The following UNC5D variants were observed in gnomAD, a reference collection of about 807,000 sequenced individuals.
UNC5D encodes the protein unc-5 netrin receptor D.
Under a neutral mutation model 105.4 loss-of-function variants are expected in UNC5D, and 39 were observed. The observed-to-expected ratio is 0.37, with a 90% CI of 0.29 to 0.48. The LOEUF is 0.48. Among genes scored for constraint, UNC5D ranks in the 20% least tolerant of loss-of-function variants. UNC5D has a pLI of 0.98. For missense variants in UNC5D, 991 were observed against 1,202.4 expected, an observed-to-expected ratio of 0.82 and a Z score of 2.60; for synonymous variants, 452 against 450.4, an observed-to-expected ratio of 1.00 and a Z score of -0.04.
Position 35,430,145 on chromosome 8 carries a change from G to A in UNC5D, c.104-119147G>A, listed in dbSNP as rs561214340. ...GAACATGGCTTGACTAGAGGATTGG[G>A]ACTTTCAGCCTGCTCAACCTCCAAG... On this transcript the variant is annotated intron_variant, in intron 1 of 16. Transcript: ENST00000404895. 2.6e-5 allele frequency among the ~76,000 whole-genome samples: 4 copies of A among 152,214 alleles called. No individual in the cohort carries two copies. In the South Asian group the frequency reaches 8.3e-4, roughly 32 times the overall value.
In UNC5D at chr8:35,710,990, G is replaced by A. The variant is rs545066729; in HGVS notation, c.1117+5029G>A. 1.8e-3 allele frequency among the ~76,000 whole-genome samples: 225 copies of A among 123,430 alleles called. 6 individuals are homozygous for A. Among genetic ancestry groups the A allele is most frequent in the African/African-American group, 9.4e-3 (214 of 22,688 alleles). 81.0% of individuals were successfully genotyped at this position (123,430 alleles called of 152,430 possible). ...GTCTCGCTCTGTCGCCCAGGCTGGA[G>A]TGCAGTGGCCTGATCTCGGCTCACT... On this transcript the variant is annotated intron_variant, in intron 8 of 16. Coordinates refer to ENST00000404895, the MANE Select transcript of UNC5D (RefSeq NM_080872.4).
At chr8:35,577,400 G>A (rs1326883534) in intron 3 of UNC5D, among the ~76,000 whole-genome samples, 2 of 152,146 alleles carry the variant, frequency 1.3e-5, no homozygotes, top group African/African-American at 2.4e-5. Flanking sequence ...GAGAGTGAAG[G>A]TCCATTGTTC....
intron 10 of UNC5D, among the ~76,000 whole-genome samples, chr8:35,729,930 A>T (rs1176884948): frequency 6.6e-6 from 1 of 152,204 alleles, no homozygotes; most frequent in African/African-American, 2.4e-5. Context: ...TTTTGCAATA[A>T]GGTTTACGTT....
chr8:35,576,468 T>G (rs1327480630), intron 3 of UNC5D, among the ~76,000 whole-genome samples: 1 of 152,180 alleles, frequency 6.6e-6, no homozygotes, highest in East Asian at 1.9e-4. Context: ...AAATGCCCAT[T>G]GATGAGACAG....
At chr8:35,739,457 A>G (rs906929414) in intron 11 of UNC5D, among the ~76,000 whole-genome samples, 12 of 152,174 alleles carry the variant, frequency 7.9e-5, no homozygotes, top group Non-Finnish European at 1.5e-4. Flanking sequence ...ACAAGTAAAC[A>G]CAAGTAAATA....
At position 35,717,769 on chromosome 8, in the gene UNC5D, G is replaced by A. The variant is rs74876369; in HGVS notation, c.1118-4441G>A. On this transcript the variant is annotated intron_variant, in intron 8 of 16. Transcript: ENST00000404895. ...TTTTGCAGTTCTTGTTAAAGATGGT[G>A]AAGAGGTGGTTACTAGCTTCATCAT... is the stretch of plus-strand genomic sequence containing the variant. Among the ~76,000 whole-genome samples, 214 of 152,314 alleles carry A rather than the reference G, an allele frequency of 1.4e-3. 2 individuals are homozygous for A. In the East Asian group the frequency reaches 0.028, roughly 20 times the overall value.
intron 9 of UNC5D, 40 bp downstream of exon 9, chr8:35,722,435 C>G: frequency 6.3e-7 from 1 of 1,594,342 alleles, no homozygotes; most frequent in Non-Finnish European, 8.5e-7. Context: ...TCCTCAGTGC[C>G]ATAGACTACG....
intron 1 of UNC5D, among the ~76,000 whole-genome samples, chr8:35,460,109 A>G (rs1159110215): frequency 6.6e-6 from 1 of 152,212 alleles, no homozygotes; most frequent in Admixed American, 6.5e-5. Flanking sequence ...ACTTTTACAT[A>G]CGCAAACTCC....
chr8:35,254,345 G>A (rs1445291773), intron 1 of UNC5D: 1 of 152,126 alleles, frequency 6.6e-6, no homozygotes, highest in Non-Finnish European at 1.5e-5. Context: ...TAGATGCAAT[G>A]CCCAGTTTCA....
chr8:35,654,780 T>G (rs907002787), intron 4 of UNC5D, among the ~76,000 whole-genome samples: 2 of 152,172 alleles, frequency 1.3e-5, no homozygotes, highest in Admixed American at 6.6e-5. Flanking sequence ...TGACATACTT[T>G]CCATGACTTG....
chr8:35,530,807 C>G (rs1413864886), intron 1 of UNC5D, among the ~76,000 whole-genome samples: 1 of 145,556 alleles, frequency 6.9e-6, no homozygotes, highest in African/African-American at 2.7e-5. Flanking sequence ...TTATCCATTT[C>G]TTCTAGATTT....
At chr8:35,469,979 G>C (rs1187168682) in intron 1 of UNC5D, among the ~76,000 whole-genome samples, 1 of 152,154 alleles carries the variant, frequency 6.6e-6, no homozygotes, top group Admixed American at 6.6e-5. Context: ...CTCACCTTTT[G>C]AGTACAATTG....
chr8:35,397,728 C>T (rs1164396682), intron 1 of UNC5D, among the ~76,000 whole-genome samples: 2 of 152,194 alleles, frequency 1.3e-5, no homozygotes, highest in Non-Finnish European at 2.9e-5. Flanking sequence ...AAGCCACTCT[C>T]GTTTGTAGTC....
chr8:35,304,080 A>G (rs1447312337), intron 1 of UNC5D, among the ~76,000 whole-genome samples: 1 of 152,080 alleles, frequency 6.6e-6, no homozygotes, highest in Non-Finnish European at 1.5e-5. Context: ...TCTTGACAGA[A>G]TCCCTTGATT....
intron 1 of UNC5D, among the ~76,000 whole-genome samples, chr8:35,523,829 C>T (rs1230904347): frequency 2.8e-5 from 2 of 70,308 alleles, no homozygotes; most frequent in African/African-American, 1.2e-4. Flanking sequence ...GCCTGATATT[C>T]GGATGGTGGC....
In UNC5D at chr8:35,278,420, C is replaced by G. The variant is rs559507951; in HGVS notation, c.103+42533C>G. Among the ~76,000 whole-genome samples, 3 of 152,152 alleles carry G rather than the reference C, an allele frequency of 2.0e-5. No individual in the cohort carries two copies. The East Asian group carries it at 5.8e-4, about 29-fold the overall frequency. ...TATATCTAGCAAAAAAATCCTTGTT[C>G]TTTTTGTTGTGAAAAATATAAGCAG... On this transcript the variant is annotated intron_variant, in intron 1 of 16. Transcript: ENST00000404895.
intron 4 of UNC5D, among the ~76,000 whole-genome samples, chr8:35,638,722 C>T (rs1037951945): frequency 6.6e-6 from 1 of 151,982 alleles, no homozygotes; most frequent in Non-Finnish European, 1.5e-5. Context: ...ATTGTTCAAG[C>T]CCAGATGTTG....
At chr8:35,746,224 C>T (rs1829999670) in intron 11 of UNC5D, among the ~76,000 whole-genome samples, 1 of 152,148 alleles carries the variant, frequency 6.6e-6, no homozygotes, top group Non-Finnish European at 1.5e-5. Flanking sequence ...TTCCTGCCAT[C>T]ACCTTGATTG....
intron 1 of UNC5D, among the ~76,000 whole-genome samples, chr8:35,420,430 G>T (rs1333819069): frequency 6.6e-6 from 1 of 152,114 alleles, no homozygotes; most frequent in Non-Finnish European, 1.5e-5. Flanking sequence ...CTTCCTGGTG[G>T]TTCATAAAGG....
Sources: allele counts gnomAD v4.1 joint callset (sites outside exome capture counted in the v4.1 genomes callset), GRCh38; gene constraint gnomAD v4.1.1; transcripts MANE v1.5; gene names NCBI Gene and HGNC (gene_info 2026-07-23, HGNC 2026-07-21).